The following ZNRF1 variants were observed in gnomAD, a reference collection of about 807,000 sequenced individuals.
ZNRF1 encodes the protein E3 ubiquitin-protein ligase ZNRF1.
In ZNRF1, 3 loss-of-function variants were observed where a neutral mutation model predicts 18.4. The ratio of observed to expected loss-of-function variants is 0.16; its 90% confidence interval spans 0.07 to 0.42. The LOEUF is 0.42. ZNRF1 is among the 10% of genes least tolerant of loss of function. ZNRF1 has a pLI of 0.99. For missense variants in ZNRF1, 310 were observed against 329.8 expected, an observed-to-expected ratio of 0.94 and a Z score of 0.47; for synonymous variants, 157 against 144.2, an observed-to-expected ratio of 1.09 and a Z score of -0.64.
At chr16:75,058,634 C>T (rs2035698944) in intron 1 of ZNRF1, among the ~76,000 whole-genome samples, 1 of 152,150 alleles carries the variant, frequency 6.6e-6, no homozygotes, top group African/African-American at 2.4e-5. Context: ...AGGACTTGGG[C>T]AGAAAGTAAG....
intron 1 of ZNRF1, among the ~76,000 whole-genome samples, chr16:75,030,008 A>G (rs764443183): frequency 6.6e-6 from 1 of 150,386 alleles, no homozygotes; most frequent in Non-Finnish European, 1.5e-5. Flanking sequence ...GGTTGCAGTG[A>G]CCTGAGAGAG....
intron 1 of ZNRF1, among the ~76,000 whole-genome samples, chr16:75,087,275 T>C (rs958922520): frequency 6.6e-6 from 1 of 152,180 alleles, no homozygotes; most frequent in African/African-American, 2.4e-5. Context: ...TCACTGTTGG[T>C]TCCCCTAACA....
At chr16:75,058,280 CG>C (rs1338884726) in intron 1 of ZNRF1, among the ~76,000 whole-genome samples, 1 of 152,126 alleles carries the variant, frequency 6.6e-6, no homozygotes, top group East Asian at 1.9e-4. Context: ...GCTTTCTGTG[CG>C]GGAGCGTTTA....
chr16:75,039,043 C>G (rs1003193891), intron 1 of ZNRF1, among the ~76,000 whole-genome samples: 10 of 152,096 alleles, frequency 6.6e-5, no homozygotes, highest in African/African-American at 2.2e-4. Flanking sequence ...GTGATAAATC[C>G]TTGAATTGAA....
intron 1 of ZNRF1, among the ~76,000 whole-genome samples, chr16:75,049,049 G>A (rs576271029): frequency 6.7e-6 from 1 of 150,102 alleles, no homozygotes; most frequent in Admixed American, 6.7e-5. Context: ...TTGTCACCCA[G>A]GCTGGAATGC....
intron 1 of ZNRF1, among the ~76,000 whole-genome samples, chr16:75,044,629 G>T (rs965458030): frequency 6.6e-6 from 1 of 152,012 alleles, no homozygotes; most frequent in Admixed American, 6.5e-5. Flanking sequence ...TAAAGTGCTG[G>T]GATTACAGAT....
intron 1 of ZNRF1, among the ~76,000 whole-genome samples, chr16:75,022,059 C>G (rs1163195880): frequency 6.6e-6 from 1 of 152,144 alleles, no homozygotes; most frequent in African/African-American, 2.4e-5. Flanking sequence ...GTACACTAAT[C>G]CTTCCGTCCG....
At chr16:75,045,878 A>T (rs1467101766) in intron 1 of ZNRF1, among the ~76,000 whole-genome samples, 2 of 151,434 alleles carry the variant, frequency 1.3e-5, no homozygotes, top group African/African-American at 4.9e-5. Flanking sequence ...TCCCGCTGTC[A>T]TTTAGAATTT....
At chr16:75,050,224 G>A (rs2035575627) in intron 1 of ZNRF1, among the ~76,000 whole-genome samples, 1 of 152,044 alleles carries the variant, frequency 6.6e-6, no homozygotes, top group Non-Finnish European at 1.5e-5. Flanking sequence ...TCCATCCGAG[G>A]ACCTTTTTAA....
intron 1 of ZNRF1, among the ~76,000 whole-genome samples, chr16:75,057,024 T>C (rs2035676698): frequency 6.6e-6 from 1 of 152,230 alleles, no homozygotes; most frequent in African/African-American, 2.4e-5. Context: ...GGGTAGTTGG[T>C]ATTACAGATT....
chr16:75,052,197 G>A (rs1028148128), intron 1 of ZNRF1, among the ~76,000 whole-genome samples: 3 of 152,004 alleles, frequency 2.0e-5, no homozygotes, highest in Non-Finnish European at 4.4e-5. Context: ...CCAGAAGTTC[G>A]AGACCAACTT....
chr16:75,010,209 C>T (rs575106391), intron 1 of ZNRF1, among the ~76,000 whole-genome samples: 1 of 152,290 alleles, frequency 6.6e-6, no homozygotes, highest in East Asian at 1.9e-4. Context: ...TCTCGAACTC[C>T]TGGCCTCAGG....
In ZNRF1 at chr16:74,999,688, G is replaced by A; in HGVS notation, c.17G>A (p.Ser6Asn). The A allele has an allele frequency of 7.4e-7, 1 of 1,360,206 alleles. No individual in the cohort carries two copies. Among genetic ancestry groups the A allele is most frequent in the Non-Finnish European group, 9.4e-7 (1 of 1,062,868 alleles). 84.3% of individuals were successfully genotyped at this position (1,360,206 alleles called of 1,614,324 possible). MGGKQ[S>N]TAARSRGPFP... is the part of the protein sequence containing the mutation. Reference sequence around the variant, plus strand: ...CGGGCGAGCATGGGGGGCAAGCAGAGCACGGCGGCCCGCTCCCGGGGCCCC... The same window carrying A: ...CGGGCGAGCATGGGGGGCAAGCAGAACACGGCGGCCCGCTCCCGGGGCCCC... Residue 6 changes from serine to asparagine, a missense_variant, in exon 1 of 5, where the codon AGC becomes AAC. Around this residue, in one of 2 missense-constraint regions of ZNRF1, gnomAD observed 293 missense variants for 291.2 expected, o/e 1.01. Transcript: ENST00000335325.
rs2034809816 is a variant in ZNRF1 at position 74,999,629 on chromosome 16, G to C, written c.-43G>C. ...CCCTGCTGCTGAGAAGTGGGGGAGGGTCTCGGCCTCCAGGTTCCCGCCCCA... is the reference window on the plus strand; with the variant it reads ...CCCTGCTGCTGAGAAGTGGGGGAGGCTCTCGGCCTCCAGGTTCCCGCCCCA... On this transcript the variant is annotated 5_prime_UTR_variant, in exon 1 of 5. Coordinates refer to ENST00000335325, the MANE Select transcript of ZNRF1 (RefSeq NM_032268.5). 7.7e-7 allele frequency: 1 copy of C among 1,303,268 alleles called. No homozygotes were observed. Among genetic ancestry groups the C allele is most frequent in the African/African-American group, 1.6e-5 (1 of 64,302 alleles). The allele number at this position is 1,303,268 out of a possible 1,614,324, so 80.7% of individuals were successfully genotyped here. A position where few individuals can be genotyped will look rare whatever the true frequency, so the allele number is the denominator to read the frequency against.
intron 1 of ZNRF1, among the ~76,000 whole-genome samples, chr16:75,090,160 G>A (rs2036119050): frequency 6.6e-6 from 1 of 152,192 alleles, no homozygotes. Flanking sequence ...AACCCCATGT[G>A]AGTGCAGAGG....
chr16:75,018,029 A>G (rs1019397026), intron 1 of ZNRF1, among the ~76,000 whole-genome samples: 7 of 152,314 alleles, frequency 4.6e-5, no homozygotes, highest in Admixed American at 3.3e-4. Context: ...CTTTACCTCT[A>G]AAGTGAAGCT....
intron 1 of ZNRF1, among the ~76,000 whole-genome samples, chr16:75,001,913 G>C (rs1308639220): frequency 1.3e-5 from 2 of 152,168 alleles, no homozygotes; most frequent in African/African-American, 4.8e-5. Context: ...AGGGTAGGGA[G>C]AGCCACTGAA....
At chr16:75,024,069 C>T (rs981667415) in intron 1 of ZNRF1, among the ~76,000 whole-genome samples, 3 of 151,978 alleles carry the variant, frequency 2.0e-5, no homozygotes, top group African/African-American at 7.3e-5. Flanking sequence ...GGGGTTTCAC[C>T]ATGTTGGCCA....
intron 1 of ZNRF1, among the ~76,000 whole-genome samples, chr16:75,093,307 C>G (rs780552796): frequency 1.1e-4 from 17 of 151,998 alleles, no homozygotes; most frequent in Non-Finnish European, 2.5e-4. Flanking sequence ...ATCGCTTGAA[C>G]CCGGGATGCA....
Sources: gnomAD v4.1 joint callset for allele counts (sites outside exome capture counted in the v4.1 genomes callset) on GRCh38, gnomAD v4.1.1 for gene constraint, gnomAD v4.1.1 regional missense constraint, MANE v1.5 for transcripts, NCBI Gene and HGNC (gene_info 2026-07-23, HGNC 2026-07-21) for gene names.